The following NEDD4 variants were observed in gnomAD, a reference collection of about 807,000 sequenced individuals.
The protein encoded by NEDD4 is NEDD4 E3 ubiquitin protein ligase.
NEDD4 carries 99 observed loss-of-function variants against 144.9 expected under a neutral mutation model. The observed-to-expected ratio is 0.68, with a 90% CI of 0.58 to 0.81. NEDD4 has a LOEUF of 0.81. Among genes scored for constraint, NEDD4 ranks in the 30% least tolerant of loss-of-function variants. NEDD4 has a pLI of 0.00. For missense variants in NEDD4, 985 were observed against 1,065.9 expected (o/e 0.92, Z 1.06); for synonymous variants, 318 against 350.6 (o/e 0.91, Z 1.04).
chr15:55,992,715 A>T (rs143906083), intron 1 of NEDD4, among the ~76,000 whole-genome samples: 52 of 152,366 alleles, frequency 3.4e-4, no homozygotes, highest in African/African-American at 1.2e-3. Flanking sequence ...AAATGGTCGT[A>T]CAATATTTTT....
rs1595746173 is a variant in NEDD4, at chr15:55,849,738, T to C, written c.1347+804A>G. Among the ~76,000 whole-genome samples, 3 of 150,710 alleles carry C rather than the reference T, an allele frequency of 2.0e-5. No homozygotes were observed. The South Asian group carries it at 6.3e-4, about 31-fold the overall frequency. On this transcript the variant is annotated intron_variant, in intron 14 of 28. Transcript: ENST00000435532. ...TAAGTTTAGTATTATTTAAGCTATG[T>C]TGGTCTTTTAATAATTAATTAAAAT...
At chr15:55,929,066 A>G (rs2036730631) in intron 4 of NEDD4, among the ~76,000 whole-genome samples, 6 of 152,342 alleles carry the variant, frequency 3.9e-5, no homozygotes, top group Admixed American at 3.9e-4. Context: ...TAATTTCAAC[A>G]GTTACCTAGC....
chr15:55,947,291 A>C (rs1471294779), intron 4 of NEDD4, among the ~76,000 whole-genome samples: 1 of 152,064 alleles, frequency 6.6e-6, no homozygotes, highest in African/African-American at 2.4e-5. Context: ...AGAGAGAAGA[A>C]TCAAATAGAC....
At chr15:55,976,545 T>C (rs928280545) in intron 1 of NEDD4, among the ~76,000 whole-genome samples, 6 of 151,924 alleles carry the variant, frequency 3.9e-5, no homozygotes, top group Non-Finnish European at 7.4e-5. Flanking sequence ...CCAGTTAAAA[T>C]GGCTCTTATC....
chr15:55,930,855 T>C (rs1242394862), intron 4 of NEDD4, among the ~76,000 whole-genome samples: 1 of 152,210 alleles, frequency 6.6e-6, no homozygotes, highest in East Asian at 1.9e-4. Context: ...GCCATGATTG[T>C]GAGGCCTCCC....
intron 21 of NEDD4, 56 bp downstream of exon 21, chr15:55,840,391 G>T: frequency 6.8e-7 from 1 of 1,471,278 alleles, no homozygotes; most frequent in Non-Finnish European, 9.3e-7. Flanking sequence ...TCTTCAAAAT[G>T]TTCAAGCTGC....
At chr15:55,859,902 G>T (rs896619157) in intron 11 of NEDD4, among the ~76,000 whole-genome samples, 4 of 152,286 alleles carry the variant, frequency 2.6e-5, no homozygotes, top group Non-Finnish European at 5.9e-5. Context: ...CCTGGCAAAT[G>T]TGAGTGACTG....
chr15:55,915,302 T>C (rs1311163622), intron 5 of NEDD4: 1 of 1,594,794 alleles, frequency 6.3e-7, no homozygotes, highest in African/African-American at 1.3e-5. Context: ...AATTAGACAG[T>C]TCATTTGTGC....
At chr15:55,852,655 A>C in intron 12 of NEDD4, 112 bp from the exon 13 acceptor site, 8 of 662,656 alleles carry the variant, frequency 1.2e-5, no homozygotes, top group Admixed American at 3.0e-5. Flanking sequence ...GCAACCACTC[A>C]TCTGCTCTGT....
rs62046645 is a variant in NEDD4, at chr15:55,838,494, T to C, written c.2127+15A>G. The C allele has an allele frequency of 0.1, 158,762 of 1,574,978 alleles. 8,586 individuals are homozygous for C. The highest frequency in any genetic ancestry group is 0.12 in the Middle Eastern group (712 of 6,002). On this transcript the variant is annotated intron_variant, in intron 22 of 28. Transcript: ENST00000435532. ...ACAATTTATGTGCCATTTTAACTGA[T>C]CAAAATTCACAAACCTGTCCAAAAA...
At chr15:55,903,520 G>A (rs1195818537) in intron 5 of NEDD4, among the ~76,000 whole-genome samples, 2 of 152,028 alleles carry the variant, frequency 1.3e-5, no homozygotes, top group African/African-American at 2.4e-5. Context: ...ATAAGGCTAA[G>A]GGTTTAAAAA....
intron 18 of NEDD4, among the ~76,000 whole-genome samples, chr15:55,846,018 C>T (rs553501205): frequency 2.0e-4 from 30 of 152,056 alleles, no homozygotes; most frequent in African/African-American, 7.0e-4. Context: ...AACTCCTGAC[C>T]TCAAGTGATC....
intron 1 of NEDD4, among the ~76,000 whole-genome samples, chr15:55,990,291 G>A (rs981346790): frequency 2.6e-5 from 4 of 151,874 alleles, no homozygotes; most frequent in Non-Finnish European, 5.9e-5. Flanking sequence ...CCATGAAACC[G>A]GTCCCTGGTG....
intron 1 of NEDD4, among the ~76,000 whole-genome samples, chr15:55,967,468 G>GTGTA (rs1555408601): frequency 6.8e-6 from 1 of 146,496 alleles, no homozygotes; most frequent in Non-Finnish European, 1.5e-5. Context: ...GTGTGTGTGT[G>GTGTA]TGTGTGTATG....
intron 8 of NEDD4, among the ~76,000 whole-genome samples, chr15:55,868,468 T>C (rs1053350922): frequency 3.9e-5 from 6 of 152,204 alleles, no homozygotes; most frequent in South Asian, 2.1e-4. Context: ...GAGAGGTAAC[T>C]GAATCATGAG....
At chr15:55,850,483 C>T in intron 14 of NEDD4, 59 bp downstream of exon 14, 1 of 1,507,844 alleles carries the variant, frequency 6.6e-7, no homozygotes, top group Non-Finnish European at 9.2e-7. Flanking sequence ...TTTTAAGGAA[C>T]TATACATAAG....
intron 15 of NEDD4, 92 bp from the exon 16 acceptor site, chr15:55,848,667 G>T: frequency 7.8e-7 from 1 of 1,274,302 alleles, no homozygotes; most frequent in Non-Finnish European, 1.1e-6. Context: ...AATTTAACTT[G>T]CATATTCCAT....
At chr15:55,874,324 C>T (rs1305020303) in intron 5 of NEDD4, among the ~76,000 whole-genome samples, 1 of 152,094 alleles carries the variant, frequency 6.6e-6, no homozygotes, top group African/African-American at 2.4e-5. Context: ...AGGAACTACA[C>T]TAGGTAAGAT....
intron 14 of NEDD4, among the ~76,000 whole-genome samples, chr15:55,849,381 T>A (rs1463439380): frequency 2.0e-5 from 3 of 152,096 alleles, no homozygotes; most frequent in African/African-American, 7.2e-5. Flanking sequence ...TGCACCACCA[T>A]GCCTAGCTAA....
Sources: allele counts gnomAD v4.1 joint callset (sites outside exome capture counted in the v4.1 genomes callset), GRCh38; gene constraint gnomAD v4.1.1; transcripts MANE v1.5; gene names NCBI Gene and HGNC (gene_info 2026-07-23, HGNC 2026-07-21).